Variants in NEK4 observed in about 807,000 individuals in gnomAD.
NEK4 encodes NIMA related kinase 4.
NEK4 carries 86 observed loss-of-function variants against 98.4 expected under a neutral mutation model. That is an observed-to-expected ratio of 0.87 (90% CI 0.73 to 1.05). The LOEUF is 1.05. Ranked by LOEUF, NEK4 falls within the 50% of genes least tolerant of loss-of-function variation. The probability of loss-of-function intolerance (pLI) is 0.00; values close to 1 mark genes in which losing one functional copy is unlikely to be tolerated. For missense variants in NEK4, 898 were observed against 950.3 expected (o/e 0.94, Z 0.72); for synonymous variants, 328 against 342.2 (o/e 0.96, Z 0.46).
intron 7 of NEK4, among the ~76,000 whole-genome samples, chr3:52,750,260 T>C (rs2097402880): frequency 6.6e-6 from 1 of 151,868 alleles, no homozygotes; most frequent in Admixed American, 6.6e-5. Flanking sequence ...GAATAAAATA[T>C]ATATAGGCTG....
intron 6 of NEK4, among the ~76,000 whole-genome samples, chr3:52,759,936 A>C (rs1159573039): frequency 1.3e-5 from 2 of 151,554 alleles, no homozygotes; most frequent in African/African-American, 4.8e-5. Flanking sequence ...ATGAACCTTG[A>C]AAATATGCTA....
chr3:52,760,987 G>C, intron 5 of NEK4, 51 bp from the exon 6 acceptor site: 1 of 1,225,332 alleles, frequency 8.2e-7, no homozygotes, highest in Middle Eastern at 2.2e-4. Flanking sequence ...GAAGATTAAG[G>C]GTTTTTAGGT....
chr3:52,749,045 T>C (rs1189491262), intron 8 of NEK4, among the ~76,000 whole-genome samples: 1 of 151,830 alleles, frequency 6.6e-6, no homozygotes, highest in Non-Finnish European at 1.5e-5. Context: ...TGAGATCACA[T>C]CACTGCACTC....
intron 15 of NEK4, among the ~76,000 whole-genome samples, chr3:52,731,697 C>T (rs973378041): frequency 6.6e-6 from 1 of 152,134 alleles, no homozygotes; most frequent in Non-Finnish European, 1.5e-5. Context: ...AAGGTCATGC[C>T]GCAGCACACA....
chr3:52,723,424 A>C (rs905306732), intron 15 of NEK4, among the ~76,000 whole-genome samples: 2 of 152,006 alleles, frequency 1.3e-5, no homozygotes, highest in African/African-American at 4.8e-5. Context: ...TTGTACTTTT[A>C]GTGTAGACGG....
intron 15 of NEK4, among the ~76,000 whole-genome samples, chr3:52,721,396 T>G (rs1282788569): frequency 1.3e-5 from 2 of 152,168 alleles, no homozygotes; most frequent in African/African-American, 4.8e-5. Flanking sequence ...ATTTTTTTTC[T>G]TTTCCCCCTT....
chr3:52,752,467 T>A, intron 6 of NEK4, 131 bp from the exon 7 acceptor site: 1 of 785,278 alleles, frequency 1.3e-6, no homozygotes, highest in Non-Finnish European at 2.0e-6. Flanking sequence ...ATTCCACTCC[T>A]AAGTATGTAA....
At chr3:52,712,837 GTCT>G (rs1389642742) in intron 15 of NEK4, among the ~76,000 whole-genome samples, 3 of 152,284 alleles carry the variant, frequency 2.0e-5, no homozygotes, top group East Asian at 3.9e-4. Context: ...AGCTGCTTGT[GTCT>G]TCTTCTGCTA....
At chr3:52,733,361 C>A (rs2097371782) in intron 15 of NEK4, 2 of 364,558 alleles carry the variant, frequency 5.5e-6, no homozygotes, top group African/African-American at 2.2e-5. Flanking sequence ...AGAGAGGCCT[C>A]GCAAATGTAA....
At position 52,743,400 on chromosome 3, in the gene NEK4, G is replaced by T. The variant is rs764590175; in HGVS notation, c.1956C>A (p.Asp652Glu). 6.2e-7 allele frequency: 1 copy of T among 1,614,158 alleles called. No individual in the cohort carries two copies. ...AGAGCCGTCGGGCAGGCAAGGGCTG[G>T]TCTTCTTCCTGGGGTTTTCCTGGCC... ...VAGPGKPQEE[D>E]QPLPARRLSS... is the part of the protein sequence containing the mutation. The change falls in exon 12 of 16, where the codon GAC (aspartate) becomes GAA (glutamate). Residue 652 changes from aspartate (D) to glutamate (E), a missense_variant. By Grantham distance (45) the Asp-to-Glu change is conservative. Transcript: ENST00000233027.
rs2097390224 is a variant in NEK4 at position 52,743,466 on chromosome 3, A to G, written c.1895-5T>C. The G allele has an allele frequency of 6.2e-7, 1 of 1,610,092 alleles. No individual in the cohort carries two copies. The highest frequency in any genetic ancestry group is 2.2e-5 in the East Asian group (1 of 44,860). ...ACGCTTTCCTCACTGAAGGGCCTGA[A>G]AAGGCAAACATCCCCAGTAGTTGTT... On this transcript the variant is annotated splice_polypyrimidine_tract_variant and splice_region_variant and intron_variant, in intron 11 of 15. Transcript: ENST00000233027.
At chr3:52,737,526 A>G (rs574449239) in intron 15 of NEK4, 60 bp downstream of exon 15, 3 of 1,567,962 alleles carry the variant, frequency 1.9e-6, no homozygotes, top group East Asian at 2.2e-5. Flanking sequence ...TTATATTTCA[A>G]AAGGTTGTTT....
intron 13 of NEK4, among the ~76,000 whole-genome samples, chr3:52,740,339 G>A (rs868421225): frequency 1.3e-5 from 2 of 151,918 alleles, no homozygotes; most frequent in Admixed American, 6.6e-5. Flanking sequence ...ACATGTTAAA[G>A]AGAGACACAA....
intron 14 of NEK4, among the ~76,000 whole-genome samples, chr3:52,739,206 C>T (rs1423678943): frequency 6.6e-6 from 1 of 152,062 alleles, no homozygotes; most frequent in East Asian, 1.9e-4. Context: ...TCAATACCAG[C>T]CTGGCCAAAT....
rs150968855 is a variant in NEK4, at chr3:52,761,745, A to C, written c.822-809T>G. ...TTATACAAAATTATTCCAAAATAAA[A>C]ATTCTATGGGAGATTGCCTCACATA... On this transcript the variant is annotated intron_variant, in intron 5 of 15. Coordinates refer to ENST00000233027, the MANE Select transcript of NEK4 (RefSeq NM_003157.6). 3.4e-3 allele frequency among the ~76,000 whole-genome samples: 520 copies of C among 152,322 alleles called. 4 individuals carry two copies. The highest frequency in any genetic ancestry group is 0.012 in the African/African-American group (499 of 41,568).
chr3:52,744,176 T>C (rs2097391547), intron 11 of NEK4, 63 bp downstream of exon 11: 4 of 1,153,302 alleles, frequency 3.5e-6, no homozygotes, highest in Non-Finnish European at 5.3e-6. Context: ...TTAGAACCAG[T>C]GTTTCTGTCC....
At chr3:52,753,979 A>G (rs1390084540) in intron 6 of NEK4, 3 of 270,776 alleles carry the variant, frequency 1.1e-5, no homozygotes, top group African/African-American at 2.3e-5. Flanking sequence ...CCTGGCTAAC[A>G]TGGTGAAACC....
At chr3:52,741,575 G>A (rs2097386306) in intron 12 of NEK4, 76 bp from the exon 13 acceptor site, 19 of 856,122 alleles carry the variant, frequency 2.2e-5, no homozygotes, top group Middle Eastern at 2.2e-4. Context: ...AGTCTTAGAT[G>A]CAACAACTAG....
intron 2 of NEK4, among the ~76,000 whole-genome samples, chr3:52,766,909 C>T (rs1698584318): frequency 6.6e-6 from 1 of 152,160 alleles, no homozygotes; most frequent in South Asian, 2.1e-4. Flanking sequence ...TGGCGTGAAC[C>T]CGGGAAGCGG....
Sources: gnomAD v4.1 joint callset for allele counts (sites outside exome capture counted in the v4.1 genomes callset) on GRCh38, gnomAD v4.1.1 for gene constraint, MANE v1.5 for transcripts, NCBI Gene and HGNC (gene_info 2026-07-23, HGNC 2026-07-21) for gene names.